Variants in AKAP19 observed in about 807,000 individuals in gnomAD.
AKAP19 encodes the protein A-kinase anchoring protein 19.
chr2:190,074,360 A>C, the AKAP19 span, among the ~76,000 whole-genome samples: 1 of 152,174 alleles, frequency 6.6e-6, no homozygotes, highest in East Asian at 1.9e-4. Context: ...GAATTTAAAA[A>C]TAGAGAAAAG....
the AKAP19 span, chr2:190,180,838 G>A: frequency 6.1e-6 from 6 of 985,286 alleles, no homozygotes; most frequent in Non-Finnish European, 7.2e-6. The surrounding 1 kb of genome is among the most constrained non-coding windows in gnomAD (Gnocchi z 6.8). Context: ...GAGCCCGGGC[G>A]CCGCCGAAGG....
chr2:190,100,141 T>C, the AKAP19 span, among the ~76,000 whole-genome samples: 1 of 152,142 alleles, frequency 6.6e-6, no homozygotes, highest in African/African-American at 2.4e-5. Flanking sequence ...AGGGTTGGGC[T>C]GACTTTGAAA....
At chr2:189,944,648 A>T in the AKAP19 span, among the ~76,000 whole-genome samples, 4 of 152,228 alleles carry the variant, frequency 2.6e-5, no homozygotes, top group African/African-American at 9.6e-5. Context: ...TACAACAATA[A>T]TAGGGGACTT....
the AKAP19 span, among the ~76,000 whole-genome samples, chr2:190,047,243 G>A: frequency 6.6e-6 from 1 of 152,180 alleles, no homozygotes; most frequent in Non-Finnish European, 1.5e-5. Context: ...TTCCATGCCT[G>A]CATTCATGTG....
chr2:190,015,030 T>A, the AKAP19 span, among the ~76,000 whole-genome samples: 165 of 152,266 alleles, frequency 1.1e-3, 1 homozygote, highest in African/African-American at 3.9e-3. Flanking sequence ...CAGGCTGGCA[T>A]TGAGTGTCTG....
the AKAP19 span, among the ~76,000 whole-genome samples, chr2:190,052,706 T>C: frequency 6.6e-6 from 1 of 152,186 alleles, no homozygotes; most frequent in Admixed American, 6.5e-5. Flanking sequence ...TAGGAAAAGG[T>C]TTCTCAATAG....
At chr2:189,897,149 G>A in the AKAP19 span, among the ~76,000 whole-genome samples, 1 of 152,086 alleles carries the variant, frequency 6.6e-6, no homozygotes, top group Non-Finnish European at 1.5e-5. Flanking sequence ...CTAGTGCAAA[G>A]CTTGGGATAT....
chr2:190,097,875 A>G, the AKAP19 span, among the ~76,000 whole-genome samples: 5 of 151,102 alleles, frequency 3.3e-5, no homozygotes, highest in African/African-American at 4.8e-5. Context: ...AAAAAAAAAA[A>G]AAAAAAGAAA....
chr2:190,100,128 T>C, the AKAP19 span, among the ~76,000 whole-genome samples: 1 of 152,130 alleles, frequency 6.6e-6, no homozygotes, highest in Non-Finnish European at 1.5e-5. Context: ...CCGGGAGTCA[T>C]AAAGGGTTGG....
the AKAP19 span, among the ~76,000 whole-genome samples, chr2:189,910,993 A>C: frequency 1.3e-5 from 2 of 152,056 alleles, no homozygotes; most frequent in African/African-American, 4.8e-5. Context: ...AATTCCCTAT[A>C]TGTTATTTCT....
At chr2:190,013,551 T>C in the AKAP19 span, among the ~76,000 whole-genome samples, 1 of 152,140 alleles carries the variant, frequency 6.6e-6, no homozygotes, top group East Asian at 1.9e-4. Flanking sequence ...AGTCTCGCTC[T>C]GTCACCCAGG....
At chr2:190,175,647 T>C in the AKAP19 span, among the ~76,000 whole-genome samples, 2 of 152,218 alleles carry the variant, frequency 1.3e-5, no homozygotes, top group Non-Finnish European at 2.9e-5. Context: ...GGAGGGGCTA[T>C]TTGATTTTTG....
At chr2:189,989,195 G>A in the AKAP19 span, among the ~76,000 whole-genome samples, 1 of 152,096 alleles carries the variant, frequency 6.6e-6, no homozygotes, top group African/African-American at 2.4e-5. Context: ...AAGCATGCAT[G>A]AGAACATCTC....
the AKAP19 span, among the ~76,000 whole-genome samples, chr2:190,024,171 G>A: frequency 6.6e-6 from 1 of 151,846 alleles, no homozygotes; most frequent in Admixed American, 6.6e-5. Context: ...AGTCATTGTC[G>A]CTGGACAGCG....
chr2:189,928,918 A>G, the AKAP19 span, among the ~76,000 whole-genome samples: 1 of 152,190 alleles, frequency 6.6e-6, no homozygotes, highest in African/African-American at 2.4e-5. Context: ...TGAAGTGAAA[A>G]AGTAGGTCAC....
chr2:190,057,911 G>A, the AKAP19 span, among the ~76,000 whole-genome samples: 1 of 152,066 alleles, frequency 6.6e-6, no homozygotes, highest in Non-Finnish European at 1.5e-5. Context: ...CAGATTGCCT[G>A]GCACATAATG....
chr2:190,011,150 C>T, the AKAP19 span, among the ~76,000 whole-genome samples: 1 of 149,996 alleles, frequency 6.7e-6, no homozygotes, highest in Non-Finnish European at 1.5e-5. Flanking sequence ...CTCCACCTCC[C>T]AGGTTCCAGT....
At chr2:190,178,807 T>C in the AKAP19 span, among the ~76,000 whole-genome samples, 2 of 152,196 alleles carry the variant, frequency 1.3e-5, no homozygotes, top group African/African-American at 4.8e-5. This position sits in a 1 kb window ranked among gnomAD's most constrained non-coding sequence, Gnocchi z 6.3. Flanking sequence ...TTTCTTTCCT[T>C]CTGACCTGGT....
At chr2:189,887,677 T>C in the AKAP19 span, among the ~76,000 whole-genome samples, 5 of 152,230 alleles carry the variant, frequency 3.3e-5, no homozygotes, top group South Asian at 8.3e-4. Flanking sequence ...TGGTGTGAGA[T>C]GGTATCTCAT....
Sources: allele counts gnomAD v4.1 joint callset (sites outside exome capture counted in the v4.1 genomes callset), GRCh38; gene constraint gnomAD v4.1.1; non-coding constraint Gnocchi (gnomAD v3.1); transcripts MANE v1.5; gene names NCBI Gene and HGNC (gene_info 2026-07-23, HGNC 2026-07-21).